SGCZ: variants seen among roughly 807,000 people sequenced by gnomAD.
SGCZ encodes zeta-sarcoglycan.
Under a neutral mutation model 41.3 loss-of-function variants are expected in SGCZ, and 40 were observed. That is an observed-to-expected ratio of 0.97 (90% CI 0.75 to 1.26). SGCZ has a LOEUF of 1.26. Among genes scored for constraint, SGCZ ranks in the 50% most tolerant of loss-of-function variants. SGCZ has a pLI of 0.00. For synonymous variants in SGCZ, 206 were observed against 137.5 expected (o/e 1.50, Z -3.49); for missense variants, 552 against 369.8 (o/e 1.49, Z -4.04).
intron 1 of SGCZ, among the ~76,000 whole-genome samples, chr8:14,960,902 GAAT>G (rs1042257572): frequency 1.3e-5 from 2 of 149,110 alleles, no homozygotes; most frequent in African/African-American, 5.0e-5. Context: ...AAAGCACAAG[GAAT>G]ATTATCTTTC....
chr8:14,871,538 G>A (rs1348306863), intron 1 of SGCZ, among the ~76,000 whole-genome samples: 3 of 151,948 alleles, frequency 2.0e-5, no homozygotes, highest in East Asian at 1.9e-4. Flanking sequence ...GGGTGCAGTG[G>A]CTCACACCTG....
intron 1 of SGCZ, among the ~76,000 whole-genome samples, chr8:14,902,571 T>C (rs944550213): frequency 1.3e-5 from 2 of 152,164 alleles, no homozygotes; most frequent in Non-Finnish European, 2.9e-5. Flanking sequence ...TTTCTGGTTT[T>C]GGTGAATACC....
rs568716969 is a variant in SGCZ, at chr8:14,982,913, T to C, written c.39+254672A>G. Among the ~76,000 whole-genome samples the C allele has an allele frequency of 4.6e-5, 7 of 152,320 alleles. No individual in the cohort carries two copies. The South Asian group carries it at 1.4e-3, about 32-fold the overall frequency. On this transcript the variant is annotated intron_variant, in intron 1 of 7. Transcript: ENST00000382080. Reference sequence around the variant, plus strand: ...CTATGTGCCATTTTGCTATATGGCATATACTTGGTTAAAAAGCAAATTCCG... The same window carrying C: ...CTATGTGCCATTTTGCTATATGGCACATACTTGGTTAAAAAGCAAATTCCG...
intron 1 of SGCZ, among the ~76,000 whole-genome samples, chr8:14,686,311 T>A (rs1808609411): frequency 6.6e-6 from 1 of 152,056 alleles, no homozygotes; most frequent in South Asian, 2.1e-4. Context: ...TAATTTGAAA[T>A]ATACAATATA....
Position 14,137,396 on chromosome 8 carries a change from T to C in SGCZ, c.547+27184A>G, listed in dbSNP as rs140392311. Among the ~76,000 whole-genome samples the C allele has an allele frequency of 6.4e-3, 970 of 152,270 alleles. 11 individuals are homozygous for C. The highest frequency in any genetic ancestry group is 0.022 in the African/African-American group (911 of 41,542). On this transcript the variant is annotated intron_variant, in intron 5 of 7. Coordinates refer to ENST00000382080, the MANE Select transcript of SGCZ (RefSeq NM_139167.4). ...CAAACTCCTCCGAGCTAAAGGAGGA[T>C]GTTCAAACCCATCACAAAGAAGCTA...
At chr8:14,163,479 C>T (rs1255725551) in intron 5 of SGCZ, among the ~76,000 whole-genome samples, 4 of 152,082 alleles carry the variant, frequency 2.6e-5, no homozygotes, top group Non-Finnish European at 5.9e-5. Context: ...AACACAGGCC[C>T]TCCTGTCTCT....
intron 1 of SGCZ, among the ~76,000 whole-genome samples, chr8:14,642,893 T>G (rs1807074947): frequency 6.6e-6 from 1 of 151,538 alleles, no homozygotes; most frequent in Admixed American, 6.6e-5. Flanking sequence ...TTTATAATAT[T>G]TAGTACAGAC....
chr8:15,056,813 T>C (rs1804723820), intron 1 of SGCZ, among the ~76,000 whole-genome samples: 1 of 152,124 alleles, frequency 6.6e-6, no homozygotes, highest in South Asian at 2.1e-4. Flanking sequence ...TTTTTGAGGG[T>C]CTCCAAATTG....
At chr8:14,640,724 A>T (rs764192259) in intron 1 of SGCZ, among the ~76,000 whole-genome samples, 2 of 151,294 alleles carry the variant, frequency 1.3e-5, no homozygotes, top group African/African-American at 2.4e-5. Context: ...GAATTTCCTA[A>T]AGCTAAAAGA....
chr8:14,156,799 C>T (rs775814627), intron 5 of SGCZ, among the ~76,000 whole-genome samples: 1 of 152,130 alleles, frequency 6.6e-6, no homozygotes, highest in Non-Finnish European at 1.5e-5. Flanking sequence ...CACTGTCTTC[C>T]AGCTCCACAT....
intron 1 of SGCZ, among the ~76,000 whole-genome samples, chr8:14,934,008 ATG>A (rs1800007150): frequency 6.6e-6 from 1 of 151,970 alleles, no homozygotes; most frequent in South Asian, 2.1e-4. Flanking sequence ...CCTCTTATCG[ATG>A]TGTTTCTCAA....
chr8:15,180,542 T>C (rs576026429), intron 1 of SGCZ, among the ~76,000 whole-genome samples: 1 of 151,450 alleles, frequency 6.6e-6, no homozygotes, highest in Admixed American at 6.6e-5. Flanking sequence ...AATCTACATA[T>C]GAAGGGGTCA....
intron 1 of SGCZ, among the ~76,000 whole-genome samples, chr8:15,070,866 T>C (rs1024854815): frequency 5.9e-5 from 9 of 152,158 alleles, no homozygotes; most frequent in African/African-American, 2.2e-4. Context: ...ATAGAAACAC[T>C]GAGGTGTTCA....
At chr8:14,138,564 C>G (rs1803273275) in intron 5 of SGCZ, among the ~76,000 whole-genome samples, 2 of 148,864 alleles carry the variant, frequency 1.3e-5, no homozygotes, top group South Asian at 2.1e-4. Flanking sequence ...AAATGGACTT[C>G]AAACCAACAA....
At chr8:14,663,483 G>A (rs548448939) in intron 1 of SGCZ, among the ~76,000 whole-genome samples, 1 of 152,056 alleles carries the variant, frequency 6.6e-6, no homozygotes, top group Non-Finnish European at 1.5e-5. Flanking sequence ...ACAATTTACT[G>A]GCTGTGATTT....
intron 1 of SGCZ, among the ~76,000 whole-genome samples, chr8:15,158,642 G>A (rs761631693): frequency 6.6e-6 from 1 of 152,156 alleles, no homozygotes; most frequent in Non-Finnish European, 1.5e-5. Context: ...CATTTAGAAT[G>A]TATAATTCAT....
At chr8:14,514,082 G>C (rs1296059469) in intron 2 of SGCZ, among the ~76,000 whole-genome samples, 2 of 152,054 alleles carry the variant, frequency 1.3e-5, no homozygotes, top group Non-Finnish European at 2.9e-5. Context: ...AGCAGCATAG[G>C]TTAGTCCTTT....
intron 1 of SGCZ, among the ~76,000 whole-genome samples, chr8:14,794,447 G>A (rs189057619): frequency 7.2e-5 from 11 of 152,084 alleles, no homozygotes; most frequent in Middle Eastern, 3.4e-3. Flanking sequence ...AATAGAATTC[G>A]ACAGAATGAA....
At chr8:14,824,677 C>T (rs1038063485) in intron 1 of SGCZ, among the ~76,000 whole-genome samples, 8 of 151,926 alleles carry the variant, frequency 5.3e-5, no homozygotes, top group Non-Finnish European at 1.2e-4. Flanking sequence ...ATCCTAAAAT[C>T]CTTGTTTGAG....
Sources: allele counts gnomAD v4.1 joint callset (sites outside exome capture counted in the v4.1 genomes callset), GRCh38; gene constraint gnomAD v4.1.1; transcripts MANE v1.5; gene names NCBI Gene and HGNC (gene_info 2026-07-23, HGNC 2026-07-21).